TIE1: variants seen among roughly 807,000 people sequenced by gnomAD.
TIE1 encodes tyrosine kinase with immunoglobulin like and EGF like domains 1, also known as tyrosine-protein kinase receptor Tie-1.
Under a neutral mutation model 130.5 loss-of-function variants are expected in TIE1, and 89 were observed. The ratio of observed to expected loss-of-function variants is 0.68; its 90% CI spans 0.57 to 0.81. The LOEUF is 0.81. Ranked by LOEUF, TIE1 falls within the 40% of genes least tolerant of loss-of-function variation. TIE1 has a pLI of 0.00. For synonymous variants in TIE1, 568 were observed against 629.4 expected, an observed-to-expected ratio of 0.90 and a Z score of 1.46; for missense variants, 1,392 against 1,559.8, an observed-to-expected ratio of 0.89 and a Z score of 1.81.
chr1:43,311,182 A>G (rs570665054), intron 9 of TIE1, among the ~76,000 whole-genome samples: 2 of 152,142 alleles, frequency 1.3e-5, no homozygotes, highest in African/African-American at 4.8e-5. Flanking sequence ...TCTGAGTCTC[A>G]GTGTTTTCAT....
intron 7 of TIE1, 184 bp from the exon 8 acceptor site, chr1:43,308,802 G>T: frequency 1.3e-6 from 1 of 768,356 alleles, no homozygotes; most frequent in South Asian, 1.5e-5. Context: ...TTAGGAAGTA[G>T]ACTTTGCAGC....
rs766037363 is a variant in TIE1, at chr1:43,305,353, G to A, written c.484+10G>A. The A allele has an allele frequency of 1.3e-6, 2 of 1,540,238 alleles. No individual in the cohort carries two copies. The highest frequency in any genetic ancestry group is 1.9e-5 in the Admixed American group (1 of 53,386). ...ATCTGGAAGAGCAACGGTAAAGAGGGGCATTTGAACTGGTGGGGAGGGTAG... is the reference window on the plus strand; with the variant it reads ...ATCTGGAAGAGCAACGGTAAAGAGGAGCATTTGAACTGGTGGGGAGGGTAG... On this transcript the variant is annotated intron_variant, in intron 3 of 22. Transcript: ENST00000372476.
Position 43,307,161 on chromosome 1 carries a change from G to T in TIE1, c.660G>T (p.Trp220Cys). ...LIVRGCGAGR[W>C]GPGCTKECPG... ...CTCCAGGTTGTGGGGCTGGGCGCTG[G>T]GGGCCAGGCTGTACCAAGGAGTGCC... The change falls in exon 5 of 23, where the codon TGG (tryptophan) becomes TGT (cysteine). Residue 220 changes from tryptophan to cysteine, a missense_variant. This residue lies in a region of TIE1 where 415 missense variants were observed against 424.8 expected (regional missense o/e 0.98). Coordinates refer to ENST00000372476, the MANE Select transcript of TIE1 (RefSeq NM_005424.5). The surrounding 1 kb of genome is among the most constrained non-coding windows in gnomAD (Gnocchi z 5.4). 6.2e-7 allele frequency: 1 copy of T among 1,614,086 alleles called. No individual in the cohort carries two copies. Among genetic ancestry groups the T allele is most frequent in the Non-Finnish European group, 8.5e-7 (1 of 1,180,006 alleles).
At position 43,322,702 on chromosome 1, in the gene TIE1, G is replaced by A; in HGVS notation, c.3397G>A (p.Ala1133Thr). 1 of 1,613,982 alleles carries A rather than the reference G, an allele frequency of 6.2e-7. No homozygotes were observed. Among genetic ancestry groups the A allele is most frequent in the Non-Finnish European group, 8.5e-7 (1 of 1,180,040 alleles). ...FENFTYAGID[A>T]TAEEA is the part of the protein sequence containing the mutation. ...GAACTTCACTTACGCGGGCATTGAT[G>A]CCACAGCTGAGGAGGCCTGAGCTGC... is the stretch of plus-strand genomic sequence containing the variant. Residue 1133 changes from alanine to threonine, a missense_variant, in exon 23 of 23, where the codon GCC becomes ACC. Coordinates refer to ENST00000372476, the MANE Select transcript of TIE1 (RefSeq NM_005424.5). This position sits in a 1 kb window ranked among gnomAD's most constrained non-coding sequence, Gnocchi z 4.0.
At position 43,304,976 on chromosome 1, in the gene TIE1, C is replaced by A; in HGVS notation, c.184C>A (p.Leu62Met). ...CTCGGACGCCTGGGGCCCGCCCCTG[C>A]TGCTGGAGAAGGACGACCGTATCGT... is the stretch of plus-strand genomic sequence containing the variant. The part of the protein sequence containing the change: ...RGSDAWGPPL[L>M]LEKDDRIVRT... The change falls in exon 2 of 23, where the codon CTG becomes ATG. Residue 62 changes from leucine to methionine, a missense_variant. Coordinates refer to ENST00000372476, the MANE Select transcript of TIE1 (RefSeq NM_005424.5). 2.0e-6 allele frequency: 3 copies of A among 1,477,306 alleles called. No homozygotes were observed. Among genetic ancestry groups the A allele is most frequent in the Non-Finnish European group, 2.7e-6 (3 of 1,115,888 alleles). The allele number at this position is 1,477,306 out of a possible 1,614,324, so 91.5% of individuals were successfully genotyped here. A position where few individuals can be genotyped will look rare whatever the true frequency, so the allele number is the denominator to read the frequency against.
chr1:43,304,002 A>G (rs1427216794), intron 1 of TIE1, among the ~76,000 whole-genome samples: 2 of 152,244 alleles, frequency 1.3e-5, no homozygotes, highest in Non-Finnish European at 2.9e-5. Flanking sequence ...ACAAAGACCA[A>G]GACCTACCTC....
At chr1:43,321,749 C>T in intron 22 of TIE1, 34 bp downstream of exon 22, 1 of 1,544,702 alleles carries the variant, frequency 6.5e-7, no homozygotes, top group Non-Finnish European at 8.8e-7. Context: ...GCGGGCTGGG[C>T]TCACAGAGTG....
Position 43,309,153 on chromosome 1 carries a change from C to T in TIE1, c.1188+22C>T. Reference sequence around the variant, plus strand: ...CCTGGTCAGCCCCCAATCACCCCAACCCACCAGCCCCTCAGGCCGCCTGCT... The same window carrying T: ...CCTGGTCAGCCCCCAATCACCCCAATCCACCAGCCCCTCAGGCCGCCTGCT... On this transcript the variant is annotated intron_variant, in intron 8 of 22. Coordinates refer to ENST00000372476, the MANE Select transcript of TIE1 (RefSeq NM_005424.5). This position sits in a 1 kb window ranked among gnomAD's most constrained non-coding sequence, Gnocchi z 6.3. The T allele has an allele frequency of 6.4e-7, 1 of 1,568,944 alleles. No homozygotes were observed.
Position 43,306,688 on chromosome 1 carries a change from T to C in TIE1, c.485-152T>C. The stretch of plus-strand genomic sequence containing the variant: ...CATGAAGAAGAGGGCACTTCTGAGC[T>C]TTCTGGCGTGGGCATAGGCTCTCGT... On this transcript the variant is annotated intron_variant, in intron 3 of 22. Coordinates refer to ENST00000372476, the MANE Select transcript of TIE1 (RefSeq NM_005424.5). The surrounding 1 kb of genome is among the most constrained non-coding windows in gnomAD (Gnocchi z 4.9). 1 of 995,388 alleles carries C rather than the reference T, an allele frequency of 1.0e-6. No homozygotes were observed. Among genetic ancestry groups the C allele is most frequent in the Non-Finnish European group, 1.5e-6 (1 of 679,070 alleles). The allele number at this position is 995,388 out of a possible 1,614,324, so 61.7% of individuals were successfully genotyped here.
chr1:43,317,342 C>T lies in TIE1; in HGVS notation c.2553C>T (p.Gly851=), dbSNP rs774549915. The change falls in exon 15 of 23, where the codon GGC becomes GGT. Residue 851 remains glycine, a synonymous_variant. Transcript: ENST00000372476. The surrounding 1 kb of genome is among the most constrained non-coding windows in gnomAD (Gnocchi z 5.1). ...ACCTCATCGGGGAGGGGAACTTCGG[C>T]CAGGTCATCCGGGCCATGATCAAGA... The part of the protein sequence containing the change: ...FEDLIGEGNF[G]QVIRAMIKKD... The T allele has an allele frequency of 6.2e-7, 1 of 1,614,100 alleles. No homozygotes were observed. Among genetic ancestry groups the T allele is most frequent in the Non-Finnish European group, 8.5e-7 (1 of 1,180,018 alleles).
intron 9 of TIE1, among the ~76,000 whole-genome samples, chr1:43,310,676 T>C (rs1324621114): frequency 6.6e-6 from 1 of 152,012 alleles, no homozygotes; most frequent in Non-Finnish European, 1.5e-5. Context: ...TTGAAGTTGG[T>C]GTGGAAAGTA....
In TIE1 at chr1:43,315,854, C is replaced by T. The variant is rs1254688319; in HGVS notation, c.2410-1345C>T. Among the ~76,000 whole-genome samples, 1 of 151,918 alleles carries T rather than the reference C, an allele frequency of 6.6e-6. No homozygotes were observed. ...CATACTCTATATCAAGATATATCCC[C>T]CTAGCCTGGGCAACATGGCAAAACC... On this transcript the variant is annotated intron_variant, in intron 14 of 22. Coordinates refer to ENST00000372476, the MANE Select transcript of TIE1 (RefSeq NM_005424.5). This position sits in a 1 kb window ranked among gnomAD's most constrained non-coding sequence, Gnocchi z 4.4.
In TIE1 at chr1:43,318,531, T is replaced by G. The variant is rs1570451257; in HGVS notation, c.2922+459T>G. 6.8e-6 allele frequency among the ~76,000 whole-genome samples: 1 copy of G among 148,072 alleles called. No individual in the cohort carries two copies. ...ATCTTTTTTTTTTTTTGAGACTGAG[T>G]CTCACTTTTTTGCCCAGGCTGGAGT... On this transcript the variant is annotated intron_variant, in intron 17 of 22. Coordinates refer to ENST00000372476, the MANE Select transcript of TIE1 (RefSeq NM_005424.5). This position sits in a 1 kb window ranked among gnomAD's most constrained non-coding sequence, Gnocchi z 4.4.
In TIE1 at chr1:43,305,806, C is replaced by T. The variant is rs2282224; in HGVS notation, c.484+463C>T. Among the ~76,000 whole-genome samples, 161 of 152,326 alleles carry T rather than the reference C, an allele frequency of 1.1e-3. No individual in the cohort carries two copies. The East Asian group carries it at 0.024, about 23-fold the overall frequency. ...CCTCATGCTGAGGCCTGGGTAGACC[C>T]GTGGGATCTCAGTCCCAGGCCTGTC... is the stretch of plus-strand genomic sequence containing the variant. On this transcript the variant is annotated intron_variant, in intron 3 of 22. Transcript: ENST00000372476.
chr1:43,304,469 A>G (rs1262190162), intron 1 of TIE1, among the ~76,000 whole-genome samples: 2 of 152,204 alleles, frequency 1.3e-5, no homozygotes, highest in Non-Finnish European at 2.9e-5. Flanking sequence ...CAGGACTGAT[A>G]GAAATAAAGT....
At position 43,304,962 on chromosome 1, in the gene TIE1, G is replaced by T; in HGVS notation, c.170G>T (p.Trp57Leu). ...GGGGCGGGGAGGGGCTCGGACGCCT[G>T]GGGCCCGCCCCTGCTGCTGGAGAAG... is the stretch of plus-strand genomic sequence containing the variant. ...EAGAGRGSDA[W>L]GPPLLLEKDD... The change falls in exon 2 of 23, where the codon TGG (tryptophan) becomes TTG (leucine). Residue 57 changes from tryptophan (W) to leucine (L), a missense_variant. Coordinates refer to ENST00000372476, the MANE Select transcript of TIE1 (RefSeq NM_005424.5). 1 of 1,460,388 alleles carries T rather than the reference G, an allele frequency of 6.8e-7. No individual in the cohort carries two copies. The allele number at this position is 1,460,388 out of a possible 1,614,324, so 90.5% of individuals were successfully genotyped here.
rs774460180 is a variant in TIE1 at position 43,321,399 on chromosome 1, G to T, written c.3152G>T (p.Gly1051Val). 1 of 1,613,958 alleles carries T rather than the reference G, an allele frequency of 6.2e-7. No homozygotes were observed. The highest frequency in any genetic ancestry group is 8.5e-7 in the Non-Finnish European group (1 of 1,179,954). Residue 1051 changes from glycine to valine, a missense_variant, in exon 21 of 23, where the codon GGT (glycine) becomes GTT (valine). Coordinates refer to ENST00000372476, the MANE Select transcript of TIE1 (RefSeq NM_005424.5). ...AGCACTTTGTCCCCTCCTGCAGGAG[G>T]TACACCCTACTGTGGCATGACCTGT... Reference protein sequence around the residue: ...VLLWEIVSLGGTPYCGMTCAE... With the variant: ...VLLWEIVSLGVTPYCGMTCAE...
chr1:43,306,375 T>G lies in TIE1; in HGVS notation c.485-465T>G, dbSNP rs913230171. Among the ~76,000 whole-genome samples, 4 of 151,950 alleles carry G rather than the reference T, an allele frequency of 2.6e-5. No homozygotes were observed. The highest frequency in any genetic ancestry group is 5.9e-5 in the Non-Finnish European group (4 of 67,978). ...GCTGGATGGCTTGGCCACGGCCAAG[T>G]TGGTGAAAATGATGTCTAAGGAGCT... On this transcript the variant is annotated intron_variant, in intron 3 of 22. Transcript: ENST00000372476. This position sits in a 1 kb window ranked among gnomAD's most constrained non-coding sequence, Gnocchi z 4.9.
At chr1:43,302,515 T>C (rs943289640) in intron 1 of TIE1, 3 of 151,952 alleles carry the variant, frequency 2.0e-5, no homozygotes, top group African/African-American at 7.3e-5. Context: ...CTGCCTCAGG[T>C]AGGAGACAAA....
Sources: gnomAD v4.1 joint callset for allele counts (sites outside exome capture counted in the v4.1 genomes callset) on GRCh38, gnomAD v4.1.1 for gene constraint, gnomAD v4.1.1 regional missense constraint, Gnocchi (gnomAD v3.1) non-coding constraint, MANE v1.5 for transcripts, NCBI Gene and HGNC (gene_info 2026-07-23, HGNC 2026-07-21) for gene names.